The following OPCML variants were observed in gnomAD, a reference collection of about 807,000 sequenced individuals.
The protein encoded by OPCML is opioid-binding protein/cell adhesion molecule.
In OPCML, 13 loss-of-function variants were observed where a neutral mutation model predicts 37.8. The observed-to-expected ratio is 0.34, with a 90% CI of 0.22 to 0.55. OPCML has a LOEUF of 0.55. Among genes scored for constraint, OPCML ranks in the 20% least tolerant of loss-of-function variants. The probability of loss-of-function intolerance (pLI) is 0.91; values close to 1 mark genes in which losing one functional copy is unlikely to be tolerated. For synonymous variants in OPCML, 176 were observed against 168.8 expected (o/e 1.04, Z -0.33); for missense variants, 341 against 435.6 (o/e 0.78, Z 1.93).
At chr11:132,482,849 G>A (rs1375361899) in intron 4 of OPCML, among the ~76,000 whole-genome samples, 4 of 150,894 alleles carry the variant, frequency 2.7e-5, no homozygotes, top group Non-Finnish European at 5.9e-5. Flanking sequence ...TGCAGAAAAG[G>A]CCTTTGACAA....
At chr11:133,294,815 C>CTGTT (rs1942583547) in intron 1 of OPCML, among the ~76,000 whole-genome samples, 1 of 56,554 alleles carries the variant, frequency 1.8e-5, no homozygotes, top group Non-Finnish European at 3.2e-5. Flanking sequence ...TTCTTTCTTT[C>CTGTT]TTTTTTTTTT....
At chr11:132,645,614 A>G (rs1268699914) in intron 3 of OPCML, among the ~76,000 whole-genome samples, 1 of 152,218 alleles carries the variant, frequency 6.6e-6, no homozygotes, top group African/African-American at 2.4e-5. Flanking sequence ...ATCCACCAAT[A>G]ACTGAAATTT....
intron 2 of OPCML, among the ~76,000 whole-genome samples, chr11:132,760,616 T>A (rs1262610677): frequency 6.6e-6 from 1 of 151,940 alleles, no homozygotes; most frequent in Non-Finnish European, 1.5e-5. Context: ...GAGACTAGGA[T>A]TGCAACATTT....
chr11:132,796,108 G>C (rs1938292523), intron 2 of OPCML, among the ~76,000 whole-genome samples: 2 of 152,152 alleles, frequency 1.3e-5, no homozygotes, highest in Admixed American at 1.3e-4. Context: ...GATGTGTGTA[G>C]GTTATATGCA....
intron 1 of OPCML, among the ~76,000 whole-genome samples, chr11:133,455,089 C>G (rs1015967373): frequency 5.9e-5 from 9 of 152,058 alleles, no homozygotes; most frequent in African/African-American, 1.7e-4. Context: ...GCTCATTAAT[C>G]GAAGCTCCAA....
intron 2 of OPCML, among the ~76,000 whole-genome samples, chr11:132,832,306 A>G (rs1052591685): frequency 6.6e-6 from 1 of 152,144 alleles, no homozygotes; most frequent in African/African-American, 2.4e-5. Flanking sequence ...AAGTAAAGGA[A>G]GAAAAGGTTA....
rs549624027 is a variant in OPCML, at chr11:133,289,392, G to A, written c.61+242872C>T. Among the ~76,000 whole-genome samples, 381 of 150,752 alleles carry A rather than the reference G, an allele frequency of 2.5e-3. 1 individual carries two copies. Among genetic ancestry groups the A allele is most frequent in the African/African-American group, 8.7e-3 (359 of 41,066 alleles). On this transcript the variant is annotated intron_variant, in intron 1 of 7. Coordinates refer to ENST00000524381, the MANE Select transcript of OPCML (RefSeq NM_001012393.5). ...GGGCGGATCACGAGGTCAGGAGATCGAGACCATCCCGGCTAAAACGGTGAA... is the reference window on the plus strand; with the variant it reads ...GGGCGGATCACGAGGTCAGGAGATCAAGACCATCCCGGCTAAAACGGTGAA...
chr11:132,760,569 T>G (rs1045031162), intron 2 of OPCML, among the ~76,000 whole-genome samples: 3 of 152,022 alleles, frequency 2.0e-5, no homozygotes, highest in Non-Finnish European at 4.4e-5. Context: ...TCTTTTTTTT[T>G]TTTTTTATCT....
intron 1 of OPCML, among the ~76,000 whole-genome samples, chr11:133,047,528 T>C (rs1262038616): frequency 6.6e-6 from 1 of 152,204 alleles, no homozygotes; most frequent in Non-Finnish European, 1.5e-5. Flanking sequence ...TTCTGCCGGC[T>C]CTTTAATAAC....
intron 1 of OPCML, among the ~76,000 whole-genome samples, chr11:133,192,288 G>A (rs1036766371): frequency 5.9e-5 from 9 of 152,258 alleles, no homozygotes; most frequent in African/African-American, 2.2e-4. Flanking sequence ...TGGACAGGGA[G>A]GAAGCTCATC....
chr11:132,852,082 C>T (rs79543656), intron 2 of OPCML, among the ~76,000 whole-genome samples: 6,413 of 152,252 alleles, frequency 0.042, 200 homozygotes, highest in African/African-American at 0.083. Flanking sequence ...AACATTCTTA[C>T]CACCAGAGAC....
intron 3 of OPCML, among the ~76,000 whole-genome samples, chr11:132,557,296 G>GAGGGAGTCAGAGGTATCA (rs2096397966): frequency 6.6e-6 from 1 of 152,026 alleles, no homozygotes; most frequent in African/African-American, 2.4e-5. Flanking sequence ...CTCCTCAGTC[G>GAGGGAGTCAGAGGTATCA]TAGAGGGAGT....
At chr11:133,109,311 C>T (rs1012703060) in intron 1 of OPCML, among the ~76,000 whole-genome samples, 1 of 152,128 alleles carries the variant, frequency 6.6e-6, no homozygotes, top group African/African-American at 2.4e-5. Context: ...AACAAGGACT[C>T]CACAGCATGG....
At chr11:133,077,329 A>G (rs1226434490) in intron 1 of OPCML, among the ~76,000 whole-genome samples, 1 of 151,946 alleles carries the variant, frequency 6.6e-6, no homozygotes, top group Non-Finnish European at 1.5e-5. Context: ...CCCTGCCCTC[A>G]TTTTCCCCGT....
chr11:133,354,680 AG>A (rs1449964917), intron 1 of OPCML, among the ~76,000 whole-genome samples: 2 of 152,178 alleles, frequency 1.3e-5, no homozygotes, highest in African/African-American at 4.8e-5. Context: ...CAATATTTTG[AG>A]TGTTATGAGA....
At chr11:133,122,844 C>T (rs753602996) in intron 1 of OPCML, among the ~76,000 whole-genome samples, 8 of 152,188 alleles carry the variant, frequency 5.3e-5, no homozygotes, top group Non-Finnish European at 1.2e-4. Flanking sequence ...AGCAAAAGTT[C>T]GCTGACACTG....
chr11:132,903,547 C>CT (rs1485198905), intron 2 of OPCML, among the ~76,000 whole-genome samples: 10 of 152,134 alleles, frequency 6.6e-5, no homozygotes, highest in Admixed American at 2.6e-4. Context: ...GGACATGCCT[C>CT]ATTATACCCT....
chr11:132,668,884 T>C (rs1394714568), intron 2 of OPCML, among the ~76,000 whole-genome samples: 1 of 152,194 alleles, frequency 6.6e-6, no homozygotes. Flanking sequence ...AAGTGTTCTA[T>C]ACTCAACCTA....
intron 1 of OPCML, among the ~76,000 whole-genome samples, chr11:133,202,508 C>A (rs1298778987): frequency 6.6e-6 from 1 of 152,210 alleles, no homozygotes; most frequent in East Asian, 1.9e-4. Context: ...CACAGAAAGA[C>A]CCCAGTAGAC....
Sources: allele counts gnomAD v4.1 joint callset (sites outside exome capture counted in the v4.1 genomes callset), GRCh38; gene constraint gnomAD v4.1.1; transcripts MANE v1.5; gene names NCBI Gene and HGNC (gene_info 2026-07-23, HGNC 2026-07-21).